SLC38A3: variants seen among roughly 807,000 people sequenced by gnomAD.
The protein encoded by SLC38A3 is sodium-coupled neutral amino acid transporter 3.
A neutral mutation model predicts 59.5 loss-of-function variants in SLC38A3; 17 were observed. The ratio of observed to expected loss-of-function variants is 0.29; its 90% CI spans 0.20 to 0.43. SLC38A3 has a LOEUF of 0.43. SLC38A3 is among the 20% of genes least tolerant of loss of function. The pLI, the probability that SLC38A3 is intolerant of heterozygous loss-of-function variation, is 1.00. For synonymous variants in SLC38A3, 238 were observed against 260.3 expected (o/e 0.91, Z 0.82); for missense variants, 454 against 653.9 (o/e 0.69, Z 3.33).
chr3:50,219,003 C>G, intron 14 of SLC38A3, 55 bp downstream of exon 14: 1 of 1,574,504 alleles, frequency 6.4e-7, no homozygotes, highest in African/African-American at 1.3e-5. Flanking sequence ...GATTTCAACT[C>G]TGCAAATCCT....
Position 50,218,450 on chromosome 3 carries a change from G to A in SLC38A3, c.1036+80G>A, listed in dbSNP as rs779159647. On this transcript the variant is annotated intron_variant, in intron 12 of 15. Coordinates refer to ENST00000614032, the MANE Select transcript of SLC38A3 (RefSeq NM_006841.6). The surrounding 1 kb of genome is among the most constrained non-coding windows in gnomAD (Gnocchi z 5.8). ...TTGTGGCCATGGTGCCCTCCATACC[G>A]AGGCGTGTGGTGCCTGGCTGTGCCT... is the stretch of plus-strand genomic sequence containing the variant. 7 of 1,522,820 alleles carry A rather than the reference G, an allele frequency of 4.6e-6. No individual in the cohort carries two copies. Among genetic ancestry groups the A allele is most frequent in the Admixed American group, 3.4e-5 (2 of 59,510 alleles). The allele number at this position is 1,522,820 out of a possible 1,614,324, so 94.3% of individuals were successfully genotyped here.
chr3:50,210,599 C>T (rs964194890), intron 1 of SLC38A3, among the ~76,000 whole-genome samples: 3 of 152,212 alleles, frequency 2.0e-5, no homozygotes, highest in African/African-American at 7.2e-5. Flanking sequence ...CCTGTAGCTG[C>T]TTGCATCAGC....
chr3:50,213,404 T>C (rs2282749), intron 1 of SLC38A3, among the ~76,000 whole-genome samples: 83,104 of 152,074 alleles, frequency 0.55, 24,274 homozygotes, highest in East Asian at 0.74. Flanking sequence ...CACAGAGAAC[T>C]GGCCCTGGAG....
chr3:50,207,658 C>T (rs1482987847), intron 1 of SLC38A3: 1 of 152,158 alleles, frequency 6.6e-6, no homozygotes, highest in African/African-American at 2.4e-5. Flanking sequence ...TACTGTGTGC[C>T]CGGGGTACAC....
At chr3:50,206,133 G>A (rs760099178) in intron 1 of SLC38A3, among the ~76,000 whole-genome samples, 4 of 152,258 alleles carry the variant, frequency 2.6e-5, no homozygotes, top group Non-Finnish European at 5.9e-5. Context: ...TGGCCCCTTC[G>A]ATTGGCCACA....
chr3:50,216,651 A>G (rs1229434230), intron 7 of SLC38A3, among the ~76,000 whole-genome samples: 1 of 152,176 alleles, frequency 6.6e-6, no homozygotes, highest in African/African-American at 2.4e-5. Flanking sequence ...TCCTGAGAAA[A>G]GCAACAGCAG....
intron 1 of SLC38A3, among the ~76,000 whole-genome samples, chr3:50,211,173 G>T (rs1435931521): frequency 6.6e-6 from 1 of 152,176 alleles, no homozygotes; most frequent in Non-Finnish European, 1.5e-5. Flanking sequence ...AGTTTACCCC[G>T]ATTCCGATTC....
Position 50,218,796 on chromosome 3 carries a change from C to G in SLC38A3, c.1162-8C>G. On this transcript the variant is annotated splice_polypyrimidine_tract_variant and splice_region_variant and intron_variant, in intron 13 of 15. Transcript: ENST00000614032. This position sits in a 1 kb window ranked among gnomAD's most constrained non-coding sequence, Gnocchi z 5.8. ...ACAGGCTGATGATTCTTCTCACCTG[C>G]CCCCCAGGTGCGCCGCGCCATCCAG... 1 of 1,603,002 alleles carries G rather than the reference C, an allele frequency of 6.2e-7. No individual in the cohort carries two copies. Among genetic ancestry groups the G allele is most frequent in the Non-Finnish European group, 8.5e-7 (1 of 1,170,788 alleles).
Position 50,220,542 on chromosome 3 carries a change from C to T in SLC38A3, c.*365C>T. ...AGGAACATACACAGCTGGGATCAGC[C>T]TGCAGCCATCCCCCGACCCTGCTGC... is the stretch of plus-strand genomic sequence containing the variant. On this transcript the variant is annotated 3_prime_UTR_variant, in exon 16 of 16. Transcript: ENST00000614032. 1 of 264,878 alleles carries T rather than the reference C, an allele frequency of 3.8e-6. No homozygotes were observed. Among genetic ancestry groups the T allele is most frequent in the South Asian group, 5.3e-5 (1 of 18,964 alleles). 16.4% of individuals were successfully genotyped at this position (264,878 alleles called of 1,614,324 possible).
intron 1 of SLC38A3, among the ~76,000 whole-genome samples, chr3:50,206,537 A>G (rs4141407): frequency 0.084 from 12,864 of 152,294 alleles, 1,849 homozygotes; most frequent in East Asian, 0.6. Flanking sequence ...AAAGAGACCC[A>G]AAGATGGTTC....
rs780685280 is a variant in SLC38A3 at position 50,218,035 on chromosome 3, T to C, written c.935+39T>C. On this transcript the variant is annotated intron_variant, in intron 11 of 15. Transcript: ENST00000614032. This position sits in a 1 kb window ranked among gnomAD's most constrained non-coding sequence, Gnocchi z 5.8. Reference sequence around the variant, plus strand: ...GCTGGGAGTGGGGGTGGGGATGCCCTGAGCTGGTTTGGGGAGAATGGATGT... The same window carrying C: ...GCTGGGAGTGGGGGTGGGGATGCCCCGAGCTGGTTTGGGGAGAATGGATGT... The C allele has an allele frequency of 6.3e-7, 1 of 1,590,970 alleles. No homozygotes were observed. The highest frequency in any genetic ancestry group is 1.1e-5 in the South Asian group (1 of 90,260).
chr3:50,208,262 T>C (rs1699672004), intron 1 of SLC38A3, among the ~76,000 whole-genome samples: 1 of 45,546 alleles, frequency 2.2e-5, no homozygotes, highest in Non-Finnish European at 4.2e-5. Flanking sequence ...GCTTTCTCTC[T>C]TTTTTTTTTT....
chr3:50,218,402 C>A lies in SLC38A3; in HGVS notation c.1036+32C>A. The A allele has an allele frequency of 6.4e-7, 1 of 1,562,580 alleles. No individual in the cohort carries two copies. The highest frequency in any genetic ancestry group is 8.8e-7 in the Non-Finnish European group (1 of 1,133,174). ...TGGCACCGGTGGGCAGAGGCCTAGG[C>A]TAGGCTGGGGGGAAGGGGCTGGTTG... On this transcript the variant is annotated intron_variant, in intron 12 of 15. Transcript: ENST00000614032. This position sits in a 1 kb window ranked among gnomAD's most constrained non-coding sequence, Gnocchi z 5.8.
chr3:50,219,838 A>C (rs1575427850), intron 14 of SLC38A3, 43 bp from the exon 15 acceptor site: 1 of 1,515,374 alleles, frequency 6.6e-7, no homozygotes, highest in African/African-American at 1.4e-5. Context: ...CTTAGTCAGT[A>C]GGAGGATATG....
chr3:50,214,613 G>C lies in SLC38A3; in HGVS notation c.184-40G>C. 5.9e-6 allele frequency: 9 copies of C among 1,517,572 alleles called. No homozygotes were observed. The highest frequency in any genetic ancestry group is 7.2e-6 in the Non-Finnish European group (8 of 1,103,812). The allele number at this position is 1,517,572 out of a possible 1,614,324, so 94.0% of individuals were successfully genotyped here. On this transcript the variant is annotated intron_variant, in intron 3 of 15. Coordinates refer to ENST00000614032, the MANE Select transcript of SLC38A3 (RefSeq NM_006841.6). The surrounding 1 kb of genome is among the most constrained non-coding windows in gnomAD (Gnocchi z 6.0). ...GGCTGCGATGCCCCTGTCCCTTGCT[G>C]ACTCCTCCCACCCTCCCCGTCCCAT...
chr3:50,206,583 A>G (rs894943204), intron 1 of SLC38A3, among the ~76,000 whole-genome samples: 1 of 152,162 alleles, frequency 6.6e-6, no homozygotes, highest in Admixed American at 6.5e-5. Flanking sequence ...CAGCCACGGT[A>G]CCCTTCCTGC....
intron 7 of SLC38A3, among the ~76,000 whole-genome samples, chr3:50,216,686 G>C (rs949921641): frequency 6.6e-6 from 1 of 152,246 alleles, no homozygotes; most frequent in Non-Finnish European, 1.5e-5. Context: ...AGGGTCCTGA[G>C]CATGAGCTGT....
At chr3:50,210,500 A>G (rs1016784884) in intron 1 of SLC38A3, among the ~76,000 whole-genome samples, 3 of 152,098 alleles carry the variant, frequency 2.0e-5, no homozygotes, top group African/African-American at 4.8e-5. Flanking sequence ...ACCCAGACCC[A>G]CTTATGTTCC....
Position 50,214,157 on chromosome 3 carries a change from CTGTT to C in SLC38A3, c.-42_-39del. ...GACCGGCTGCTCTGCAGACATCTGA[CTGTT>C]GGTGTGAGACCAGTGCTCCTGGTGG... is the stretch of plus-strand genomic sequence containing the variant. On this transcript the variant is annotated 5_prime_UTR_variant, in exon 2 of 16. Coordinates refer to ENST00000614032, the MANE Select transcript of SLC38A3 (RefSeq NM_006841.6). This position sits in a 1 kb window ranked among gnomAD's most constrained non-coding sequence, Gnocchi z 6.0. 1 of 1,578,044 alleles carries C rather than the reference CTGTT, an allele frequency of 6.3e-7. No homozygotes were observed. The highest frequency in any genetic ancestry group is 1.1e-5 in the South Asian group (1 of 88,978).
Sources: allele counts gnomAD v4.1 joint callset (sites outside exome capture counted in the v4.1 genomes callset), GRCh38; gene constraint gnomAD v4.1.1; non-coding constraint Gnocchi (gnomAD v3.1); transcripts MANE v1.5; gene names NCBI Gene and HGNC (gene_info 2026-07-23, HGNC 2026-07-21).